Variants in EIF3J observed in about 807,000 individuals in gnomAD.
EIF3J encodes the protein eukaryotic translation initiation factor 3, subunit 1 (alpha, 35kD).
In EIF3J, 15 loss-of-function variants were observed where a neutral mutation model predicts 39.0. The observed-to-expected ratio is 0.38, with a 90% CI of 0.26 to 0.59. EIF3J has a LOEUF of 0.59. EIF3J is among the 20% of genes least tolerant of loss of function. The pLI is 0.60. For missense variants in EIF3J, 226 were observed against 308.6 expected (o/e 0.73, Z 2.00); for synonymous variants, 98 against 112.9 (o/e 0.87, Z 0.84).
At chr15:44,559,199 G>A (rs544042271) in intron 6 of EIF3J, 2 of 140,092 alleles carry the variant, frequency 1.4e-5, no homozygotes, top group East Asian at 2.2e-4. Flanking sequence ...AGGAGTTTGA[G>A]ACTAACCTTG....
At chr15:44,549,392 A>AAAAAC (rs372596724) in intron 2 of EIF3J, among the ~76,000 whole-genome samples, 27 of 152,192 alleles carry the variant, frequency 1.8e-4, no homozygotes, top group African/African-American at 2.2e-4. Flanking sequence ...ACTCCAACTC[A>AAAAAC]AAAACAAAAC....
intron 6 of EIF3J, among the ~76,000 whole-genome samples, chr15:44,559,605 G>A (rs1368041946): frequency 1.3e-5 from 2 of 151,868 alleles, no homozygotes; most frequent in Non-Finnish European, 2.9e-5. Flanking sequence ...TACTCGGGAG[G>A]CTGAGGCAGG....
rs1328814462 is a variant in EIF3J, at chr15:44,561,175, T to C, written c.*26T>C. On this transcript the variant is annotated 3_prime_UTR_variant, in exon 8 of 8. Coordinates refer to ENST00000261868, the MANE Select transcript of EIF3J (RefSeq NM_003758.4). Reference sequence around the variant, plus strand: ...CATTTTATCTTTTCTTGGTGTCATCTTTATGTTGCCCACAATCCCTTGAAC... The same window carrying C: ...CATTTTATCTTTTCTTGGTGTCATCCTTATGTTGCCCACAATCCCTTGAAC... 1.9e-6 allele frequency: 3 copies of C among 1,600,854 alleles called. No individual in the cohort carries two copies. Among genetic ancestry groups the C allele is most frequent in the Middle Eastern group, 4.5e-4 (2 of 4,422 alleles).
intron 2 of EIF3J, among the ~76,000 whole-genome samples, chr15:44,539,943 C>CTT (rs371734858): frequency 3.2e-4 from 42 of 131,046 alleles, no homozygotes; most frequent in Admixed American, 1.4e-3. Context: ...ATATTTTTTT[C>CTT]TTTTTTTTTT....
At chr15:44,543,474 C>T (rs1293933289) in intron 2 of EIF3J, among the ~76,000 whole-genome samples, 2 of 147,162 alleles carry the variant, frequency 1.4e-5, no homozygotes, top group African/African-American at 2.5e-5. Context: ...AGGGCAGTGG[C>T]GCAGTCTCGG....
chr15:44,547,371 G>A (rs773229743), intron 2 of EIF3J, among the ~76,000 whole-genome samples: 11 of 151,436 alleles, frequency 7.3e-5, no homozygotes, highest in Non-Finnish European at 8.8e-5. Context: ...TTGCATTCCC[G>A]ACCTCAGGTG....
At chr15:44,548,614 C>T (rs1333850867) in intron 2 of EIF3J, among the ~76,000 whole-genome samples, 1 of 152,246 alleles carries the variant, frequency 6.6e-6, no homozygotes, top group Non-Finnish European at 1.5e-5. Flanking sequence ...AGATTTATTT[C>T]TTATGGTTAT....
At chr15:44,557,440 T>A (rs890813192) in intron 5 of EIF3J, 49 bp from the exon 6 acceptor site, 3 of 1,403,350 alleles carry the variant, frequency 2.1e-6, no homozygotes, top group Non-Finnish European at 2.8e-6. Flanking sequence ...GTTTCATTTT[T>A]AAAAATCCTA....
intron 7 of EIF3J, 171 bp downstream of exon 7, chr15:44,560,493 C>A: frequency 1.8e-6 from 1 of 562,372 alleles, no homozygotes; most frequent in Non-Finnish European, 3.0e-6. Flanking sequence ...CTTTTGTTTC[C>A]AGACATGTTC....
chr15:44,538,368 CTTG>C (rs2081978911), intron 2 of EIF3J, among the ~76,000 whole-genome samples: 1 of 150,726 alleles, frequency 6.6e-6, no homozygotes, highest in Non-Finnish European at 1.5e-5. Flanking sequence ...TTCTCAAAAT[CTTG>C]TTATATTTGT....
chr15:44,540,119 A>G (rs1033039991), intron 2 of EIF3J, among the ~76,000 whole-genome samples: 10 of 149,300 alleles, frequency 6.7e-5, no homozygotes, highest in Non-Finnish European at 1.2e-4. Flanking sequence ...TTGTATTTTT[A>G]GTAGAGACGG....
intron 4 of EIF3J, among the ~76,000 whole-genome samples, chr15:44,552,530 C>G (rs899255185): frequency 6.6e-6 from 1 of 152,038 alleles, no homozygotes; most frequent in Non-Finnish European, 1.5e-5. Flanking sequence ...CAAGCATGAG[C>G]CACCACGTCC....
chr15:44,555,241 G>A (rs2082134796), intron 5 of EIF3J, among the ~76,000 whole-genome samples: 1 of 152,198 alleles, frequency 6.6e-6, no homozygotes, highest in Non-Finnish European at 1.5e-5. Flanking sequence ...GTGTTCCAGA[G>A]TAAGAGACAT....
intron 2 of EIF3J, among the ~76,000 whole-genome samples, chr15:44,547,979 A>C (rs1037185896): frequency 6.6e-5 from 10 of 152,182 alleles, no homozygotes; most frequent in African/African-American, 2.4e-4. Context: ...CTGCTAATGG[A>C]GAAGCTTTCT....
intron 2 of EIF3J, among the ~76,000 whole-genome samples, chr15:44,540,762 C>T (rs1426474795): frequency 6.6e-6 from 1 of 152,122 alleles, no homozygotes; most frequent in Non-Finnish European, 1.5e-5. Context: ...TTTCTGAATT[C>T]TTATGTTTTT....
At chr15:44,547,213 G>C (rs1396177605) in intron 2 of EIF3J, among the ~76,000 whole-genome samples, 4 of 151,998 alleles carry the variant, frequency 2.6e-5, no homozygotes, top group African/African-American at 9.7e-5. Context: ...GCGCGATCTC[G>C]GCTCACCACA....
chr15:44,555,382 A>G (rs1327754888), intron 5 of EIF3J, among the ~76,000 whole-genome samples: 38 of 152,230 alleles, frequency 2.5e-4, no homozygotes, highest in Non-Finnish European at 7.3e-5. Context: ...GGAAAGCTCT[A>G]GTTATTCTGA....
intron 2 of EIF3J, among the ~76,000 whole-genome samples, chr15:44,545,594 A>G (rs2082046793): frequency 6.6e-6 from 1 of 152,274 alleles, no homozygotes; most frequent in African/African-American, 2.4e-5. Context: ...ATAATTGGCA[A>G]ATAATGTACA....
chr15:44,557,883 A>G, intron 6 of EIF3J: 2 of 277,766 alleles, frequency 7.2e-6, no homozygotes, highest in Non-Finnish European at 1.3e-5. Context: ...GGCTTCCCTA[A>G]GAGATACCTG....
Sources: gnomAD v4.1 joint callset for allele counts (sites outside exome capture counted in the v4.1 genomes callset) on GRCh38, gnomAD v4.1.1 for gene constraint, MANE v1.5 for transcripts, NCBI Gene and HGNC (gene_info 2026-07-23, HGNC 2026-07-21) for gene names.